Variants in CTNNA3 observed in about 807,000 individuals in gnomAD.
CTNNA3 encodes the protein catenin alpha-3.
CTNNA3 carries 76 observed loss-of-function variants against 95.7 expected under a neutral mutation model. The ratio of observed to expected loss-of-function variants is 0.79; its 90% CI spans 0.66 to 0.96. CTNNA3 has a LOEUF of 0.96. Ranked by LOEUF, CTNNA3 falls within the 40% of genes least tolerant of loss-of-function variation. CTNNA3 has a pLI of 0.00. For synonymous variants in CTNNA3, 431 were observed against 374.4 expected (o/e 1.15, Z -1.74); for missense variants, 1,191 against 1,089.8 (o/e 1.09, Z -1.31).
intron 7 of CTNNA3, among the ~76,000 whole-genome samples, chr10:67,070,349 G>A (rs540642998): frequency 2.0e-5 from 3 of 152,206 alleles, no homozygotes; most frequent in South Asian, 2.1e-4. Flanking sequence ...CTCTGTGACT[G>A]TCTTTTCATT....
At chr10:67,441,311 T>C (rs998897293) in intron 5 of CTNNA3, among the ~76,000 whole-genome samples, 1 of 150,490 alleles carries the variant, frequency 6.6e-6, no homozygotes, top group Non-Finnish European at 1.5e-5. Flanking sequence ...CTTCAAGATC[T>C]AGAAAATAGC....
chr10:66,844,169 T>C (rs1372233431), intron 7 of CTNNA3, among the ~76,000 whole-genome samples: 1 of 152,232 alleles, frequency 6.6e-6, no homozygotes, highest in Non-Finnish European at 1.5e-5. Context: ...TACCCTTAGA[T>C]TGCACTGTTT....
intron 14 of CTNNA3, among the ~76,000 whole-genome samples, chr10:66,098,391 C>T (rs894472255): frequency 5.3e-5 from 8 of 152,092 alleles, no homozygotes; most frequent in Non-Finnish European, 8.8e-5. Context: ...TTTTTTGTTT[C>T]ATTTCCTAAT....
chr10:67,662,488 T>A (rs1198056605), intron 1 of CTNNA3, among the ~76,000 whole-genome samples: 2 of 152,110 alleles, frequency 1.3e-5, no homozygotes, highest in African/African-American at 2.4e-5. Context: ...GGATAAACAA[T>A]CTGTGGCACA....
At chr10:67,002,931 T>G (rs959696846) in intron 7 of CTNNA3, among the ~76,000 whole-genome samples, 2 of 152,212 alleles carry the variant, frequency 1.3e-5, no homozygotes, top group African/African-American at 4.8e-5. Flanking sequence ...GCTCAAGTTT[T>G]CATTACCTAA....
intron 10 of CTNNA3, among the ~76,000 whole-genome samples, chr10:66,577,712 T>G (rs1843050962): frequency 6.6e-6 from 1 of 152,102 alleles, no homozygotes; most frequent in Non-Finnish European, 1.5e-5. Context: ...TCATGCTGTT[T>G]TGGTTACTGC....
intron 9 of CTNNA3, among the ~76,000 whole-genome samples, chr10:66,633,420 C>G (rs1032677736): frequency 6.6e-6 from 1 of 152,164 alleles, no homozygotes; most frequent in Non-Finnish European, 1.5e-5. Context: ...GTGGCTCACG[C>G]CTGTAATCCC....
chr10:66,477,363 C>T (rs1839363769), intron 11 of CTNNA3, among the ~76,000 whole-genome samples: 1 of 152,000 alleles, frequency 6.6e-6, no homozygotes, highest in Non-Finnish European at 1.5e-5. Flanking sequence ...ATGTATCTAT[C>T]ATGCAAAAAT....
intron 11 of CTNNA3, among the ~76,000 whole-genome samples, chr10:66,430,496 C>T (rs577266417): frequency 6.6e-6 from 1 of 152,312 alleles, no homozygotes; most frequent in Admixed American, 6.5e-5. Flanking sequence ...TACCTGACTT[C>T]AGACTATACT....
At chr10:67,619,819 T>C (rs1843769256) in intron 2 of CTNNA3, among the ~76,000 whole-genome samples, 1 of 152,162 alleles carries the variant, frequency 6.6e-6, no homozygotes, top group African/African-American at 2.4e-5. Flanking sequence ...GAAAATTGTT[T>C]TATGAGCTCC....
chr10:67,017,440 T>C (rs1852725548), intron 7 of CTNNA3, among the ~76,000 whole-genome samples: 1 of 152,150 alleles, frequency 6.6e-6, no homozygotes, highest in African/African-American at 2.4e-5. Context: ...TAAAAAGAAA[T>C]CTACTCTGTG....
intron 5 of CTNNA3, among the ~76,000 whole-genome samples, chr10:67,433,969 C>G (rs1256834092): frequency 6.6e-6 from 1 of 152,054 alleles, no homozygotes; most frequent in Non-Finnish European, 1.5e-5. Flanking sequence ...CCAACACACC[C>G]TTTCTCACCT....
At chr10:67,171,897 C>T (rs1862037376) in intron 7 of CTNNA3, among the ~76,000 whole-genome samples, 1 of 152,246 alleles carries the variant, frequency 6.6e-6, no homozygotes, top group East Asian at 1.9e-4. Flanking sequence ...TAAAATTCAG[C>T]TTGTTTTAGA....
chr10:66,091,846 G>C (rs1050341670), intron 14 of CTNNA3, among the ~76,000 whole-genome samples: 2 of 151,744 alleles, frequency 1.3e-5, no homozygotes, highest in East Asian at 1.9e-4. Flanking sequence ...AAAAAAAAAT[G>C]GTCACCAAGT....
intron 13 of CTNNA3, among the ~76,000 whole-genome samples, chr10:66,155,616 T>C (rs974429557): frequency 7.9e-5 from 12 of 151,814 alleles, no homozygotes; most frequent in Non-Finnish European, 1.8e-4. Flanking sequence ...AGGACCATCT[T>C]AATACATTGC....
At chr10:66,093,966 C>A (rs1470854442) in intron 14 of CTNNA3, among the ~76,000 whole-genome samples, 2 of 152,148 alleles carry the variant, frequency 1.3e-5, no homozygotes, top group South Asian at 4.2e-4. Context: ...GACAACATGT[C>A]CCCTGCTGTA....
chr10:66,574,454 T>A (rs555827642), intron 10 of CTNNA3, among the ~76,000 whole-genome samples: 1 of 151,848 alleles, frequency 6.6e-6, no homozygotes, highest in East Asian at 1.9e-4. Context: ...AAAGCAAAAA[T>A]AAGATAATTT....
intron 7 of CTNNA3, among the ~76,000 whole-genome samples, chr10:67,095,069 T>A (rs1379881270): frequency 1.3e-5 from 2 of 151,482 alleles, no homozygotes; most frequent in Non-Finnish European, 1.5e-5. Flanking sequence ...TGTATGTGTG[T>A]ACCCCTATAT....
chr10:66,774,027 T>A (rs1840197374), intron 8 of CTNNA3, among the ~76,000 whole-genome samples: 1 of 152,224 alleles, frequency 6.6e-6, no homozygotes, highest in Non-Finnish European at 1.5e-5. Flanking sequence ...TGTGCTTTTA[T>A]TTGCTAAATC....
Sources: allele counts gnomAD v4.1 joint callset (sites outside exome capture counted in the v4.1 genomes callset), GRCh38; gene constraint gnomAD v4.1.1; transcripts MANE v1.5; gene names NCBI Gene and HGNC (gene_info 2026-07-23, HGNC 2026-07-21).